The following LRTM2 variants were observed in gnomAD, a reference collection of about 807,000 sequenced individuals.
LRTM2 encodes leucine-rich repeat and transmembrane domain-containing protein 2.
A neutral mutation model predicts 28.1 loss-of-function variants in LRTM2; 18 were observed. The ratio of observed to expected loss-of-function variants is 0.64; its 90% CI spans 0.44 to 0.95. The LOEUF is 0.95. LRTM2 is among the 40% of genes least tolerant of loss of function. The pLI is 0.00. For synonymous variants in LRTM2, 250 were observed against 218.7 expected (o/e 1.14, Z -1.26); for missense variants, 436 against 497.2 (o/e 0.88, Z 1.17).
At chr12:1,830,824 C>A in intron 3 of LRTM2, 111 bp from the exon 4 acceptor site, 3 of 884,904 alleles carry the variant, frequency 3.4e-6, no homozygotes, top group Non-Finnish European at 3.4e-6. Context: ...GTGGCTTGTG[C>A]CAAAGGAGAT....
At position 1,835,432 on chromosome 12, in the gene LRTM2, C is replaced by A. The variant is rs1342900300; in HGVS notation, c.*711C>A. ...GATTGAAAGAATTAATACACACACA[C>A]ACACACACACACTCACACGGTCACA... On this transcript the variant is annotated 3_prime_UTR_variant, in exon 5 of 5. Coordinates refer to ENST00000299194, the MANE Select transcript of LRTM2 (RefSeq NM_001039029.3). 1 of 152,494 alleles carries A rather than the reference C, an allele frequency of 6.6e-6. No individual in the cohort carries two copies. The highest frequency in any genetic ancestry group is 6.5e-5 in the Admixed American group (1 of 15,284). 9.4% of individuals were successfully genotyped at this position (152,494 alleles called of 1,614,324 possible). A position where few individuals can be genotyped will look rare whatever the true frequency, so the allele number is the denominator to read the frequency against.
chr12:1,826,397 A>T (rs1864316804), intron 1 of LRTM2, among the ~76,000 whole-genome samples: 1 of 112,528 alleles, frequency 8.9e-6, no homozygotes, highest in Non-Finnish European at 1.7e-5. Context: ...ATTTGAACCC[A>T]GAGCCCCCCC....
At position 1,834,562 on chromosome 12, in the gene LRTM2, C is replaced by T. The variant is rs146814224; in HGVS notation, c.954C>T (p.Cys318=). ...CGGTGATCATTGCAGGGGTCGTGTGCGGCGTCGTCTGCATCATGATGGTGG... is the reference window on the plus strand; with the variant it reads ...CGGTGATCATTGCAGGGGTCGTGTGTGGCGTCGTCTGCATCATGATGGTGG... ...MGTVIIAGVV[C]GVVCIMMVVA... The change falls in exon 5 of 5, where the codon TGC becomes TGT. Residue 318 remains cysteine, a synonymous_variant. Transcript: ENST00000299194. This position sits in a 1 kb window ranked among gnomAD's most constrained non-coding sequence, Gnocchi z 7.6. 190 of 1,602,112 alleles carry T rather than the reference C, an allele frequency of 1.2e-4. 1 individual carries two copies. Among genetic ancestry groups the T allele is most frequent in the Non-Finnish European group, 1.5e-4 (182 of 1,179,890 alleles).
At chr12:1,832,270 C>T (rs1488266741) in intron 4 of LRTM2, among the ~76,000 whole-genome samples, 2 of 152,198 alleles carry the variant, frequency 1.3e-5, no homozygotes, top group African/African-American at 2.4e-5. Flanking sequence ...AGCTGGTTAC[C>T]CTTTCGCTGT....
chr12:1,829,035 T>C lies in LRTM2; in HGVS notation c.67+820T>C, dbSNP rs924740323. The stretch of plus-strand genomic sequence containing the variant: ...CACGGGCAGCCTGAATTATTCACCA[T>C]GTGAGAGAGGCTGGCCCCTGAGTGA... On this transcript the variant is annotated intron_variant, in intron 3 of 4. Coordinates refer to ENST00000299194, the MANE Select transcript of LRTM2 (RefSeq NM_001039029.3). This position sits in a 1 kb window ranked among gnomAD's most constrained non-coding sequence, Gnocchi z 4.2. Among the ~76,000 whole-genome samples, 2 of 152,244 alleles carry C rather than the reference T, an allele frequency of 1.3e-5. No individual in the cohort carries two copies. The highest frequency in any genetic ancestry group is 2.4e-5 in the African/African-American group (1 of 41,482).
At position 1,831,046 on chromosome 12, in the gene LRTM2, C is replaced by T; in HGVS notation, c.179C>T (p.Thr60Ile). ...GTGGACTGCAGTGGCCTTGGCCTCACCACGGTGCCCCCAGACGTGCCCGCA... is the reference window on the plus strand; with the variant it reads ...GTGGACTGCAGTGGCCTTGGCCTCATCACGGTGCCCCCAGACGTGCCCGCA... Reference protein sequence around the residue: ...LEVDCSGLGLTTVPPDVPAAT... With the variant: ...LEVDCSGLGLITVPPDVPAAT... Residue 60 changes from threonine (T) to isoleucine (I), a missense_variant, in exon 4 of 5, where the codon ACC (threonine) becomes ATC (isoleucine). Coordinates refer to ENST00000299194, the MANE Select transcript of LRTM2 (RefSeq NM_001039029.3). The T allele has an allele frequency of 6.2e-7, 1 of 1,614,110 alleles. No homozygotes were observed. The highest frequency in any genetic ancestry group is 8.5e-7 in the Non-Finnish European group (1 of 1,180,042).
At chr12:1,822,016 C>A (rs1192268785) in intron 1 of LRTM2, 1 of 152,086 alleles carries the variant, frequency 6.6e-6, no homozygotes, top group Non-Finnish European at 1.5e-5. Flanking sequence ...GTAGGGAAAC[C>A]CGACAGCAGC....
chr12:1,821,801 G>A (rs1864115110), intron 1 of LRTM2, among the ~76,000 whole-genome samples: 1 of 152,154 alleles, frequency 6.6e-6, no homozygotes, highest in Non-Finnish European at 1.5e-5. Flanking sequence ...TGCAGGTCTG[G>A]GGCTGGGTTC....
Position 1,831,155 on chromosome 12 carries a change from G to C in LRTM2, c.288G>C (p.Arg96=), listed in dbSNP as rs758682455. The part of the protein sequence containing the change: ...WAFANLSSLQ[R]LDLSNNFLDR... ...TCGCCAACCTCTCCAGCCTGCAGCG[G>C]TTGGACCTGTCCAACAACTTCCTGG... The change falls in exon 4 of 5, where the codon CGG becomes CGC. Residue 96 remains arginine, a synonymous_variant. Coordinates refer to ENST00000299194, the MANE Select transcript of LRTM2 (RefSeq NM_001039029.3). The C allele has an allele frequency of 6.2e-7, 1 of 1,613,994 alleles. No homozygotes were observed. Among genetic ancestry groups the C allele is most frequent in the Non-Finnish European group, 8.5e-7 (1 of 1,180,050 alleles).
At chr12:1,832,672 G>C (rs890279090) in intron 4 of LRTM2, among the ~76,000 whole-genome samples, 3 of 152,196 alleles carry the variant, frequency 2.0e-5, no homozygotes, top group Non-Finnish European at 4.4e-5. Context: ...CAAAATGTTA[G>C]TCACTATGAT....
intron 1 of LRTM2, among the ~76,000 whole-genome samples, chr12:1,826,997 C>T (rs1406383245): frequency 6.6e-6 from 1 of 152,246 alleles, no homozygotes; most frequent in African/African-American, 2.4e-5. Flanking sequence ...AGGGAGGCTG[C>T]AACCAGGAAT....
At chr12:1,830,408 T>A (rs1864569318) in intron 3 of LRTM2, among the ~76,000 whole-genome samples, 1 of 152,130 alleles carries the variant, frequency 6.6e-6, no homozygotes, top group Non-Finnish European at 1.5e-5. Flanking sequence ...CATACACAGC[T>A]CCAGAGTTGG....
At chr12:1,830,602 G>A (rs1253238797) in intron 3 of LRTM2, among the ~76,000 whole-genome samples, 3 of 152,202 alleles carry the variant, frequency 2.0e-5, no homozygotes, top group East Asian at 1.9e-4. Flanking sequence ...ACTGTGGGAG[G>A]CCCTGTGAGC....
chr12:1,834,489 C>A lies in LRTM2; in HGVS notation c.881C>A (p.Pro294Gln). The A allele has an allele frequency of 1.9e-6, 3 of 1,609,596 alleles. No individual in the cohort carries two copies. The highest frequency in any genetic ancestry group is 1.1e-5 in the South Asian group (1 of 91,062). Residue 294 changes from proline (P) to glutamine (Q), a missense_variant, in exon 5 of 5, where the codon CCA (proline) becomes CAA (glutamine). Coordinates refer to ENST00000299194, the MANE Select transcript of LRTM2 (RefSeq NM_001039029.3). The surrounding 1 kb of genome is among the most constrained non-coding windows in gnomAD (Gnocchi z 7.6). ...EPEPEPSTAC[P>Q]QKQRHRPASV... is the part of the protein sequence containing the mutation. ...GAGCCGGAGCCCAGCACAGCCTGCC[C>A]ACAGAAGCAGAGGCACCGGCCGGCG...
chr12:1,834,339 T>C lies in LRTM2; in HGVS notation c.731T>C (p.Met244Thr), dbSNP rs1168695808. ...LRGKDMRMVPMEMFNYCSQLE... is the reference protein window; with the variant it reads ...LRGKDMRMVPTEMFNYCSQLE... The stretch of plus-strand genomic sequence containing the variant: ...GGGAAGGACATGCGGATGGTCCCCA[T>C]GGAGATGTTCAACTACTGCTCCCAG... Residue 244 changes from methionine (M) to threonine (T), a missense_variant, in exon 5 of 5, where the codon ATG (methionine) becomes ACG (threonine). Met to Thr is a moderately conservative substitution (Grantham distance 81). Transcript: ENST00000299194. This position sits in a 1 kb window ranked among gnomAD's most constrained non-coding sequence, Gnocchi z 7.6. The C allele has an allele frequency of 5.0e-6, 8 of 1,612,350 alleles. No homozygotes were observed. Among genetic ancestry groups the C allele is most frequent in the Admixed American group, 1.7e-5 (1 of 59,966 alleles).
In LRTM2 at chr12:1,830,937, A is replaced by T. The variant is rs760042894; in HGVS notation, c.70A>T (p.Ile24Phe). ...CCCCGTCTGTCCCTCCCACCAAGGG[A>T]TCACCTGCTGGATCGCCCTGTATGC... ...LALQWRQVSW[I>F]TCWIALYAVE... The change falls in exon 4 of 5, where the codon ATC (isoleucine) becomes TTC (phenylalanine). Residue 24 changes from isoleucine to phenylalanine, a missense_variant and splice_region_variant. By Grantham distance (21) the Ile-to-Phe change is conservative (BLOSUM62 0). Transcript: ENST00000299194. 1 of 1,594,676 alleles carries T rather than the reference A, an allele frequency of 6.3e-7. No homozygotes were observed. Among genetic ancestry groups the T allele is most frequent in the South Asian group, 1.1e-5 (1 of 89,826 alleles).
At position 1,830,931 on chromosome 12, in the gene LRTM2, C is replaced by A; in HGVS notation, c.68-4C>A. The A allele has an allele frequency of 6.3e-7, 1 of 1,591,084 alleles. No homozygotes were observed. Among genetic ancestry groups the A allele is most frequent in the Non-Finnish European group, 8.6e-7 (1 of 1,163,840 alleles). On this transcript the variant is annotated splice_region_variant and splice_polypyrimidine_tract_variant and intron_variant, in intron 3 of 4. Coordinates refer to ENST00000299194, the MANE Select transcript of LRTM2 (RefSeq NM_001039029.3). Reference sequence around the variant, plus strand: ...TCTTTCCCCCGTCTGTCCCTCCCACCAAGGGATCACCTGCTGGATCGCCCT... The same window carrying A: ...TCTTTCCCCCGTCTGTCCCTCCCACAAAGGGATCACCTGCTGGATCGCCCT...
In LRTM2 at chr12:1,834,492, A is replaced by G; in HGVS notation, c.884A>G (p.Gln295Arg). Residue 295 changes from glutamine (Q) to arginine (R), a missense_variant, in exon 5 of 5, where the codon CAG (glutamine) becomes CGG (arginine). By Grantham distance (43) the Gln-to-Arg change is conservative. Transcript: ENST00000299194. The surrounding 1 kb of genome is among the most constrained non-coding windows in gnomAD (Gnocchi z 7.6). ...CCGGAGCCCAGCACAGCCTGCCCAC[A>G]GAAGCAGAGGCACCGGCCGGCGAGC... ...PEPEPSTACP[Q>R]KQRHRPASVR... The G allele has an allele frequency of 1.2e-6, 2 of 1,609,404 alleles. No homozygotes were observed. The highest frequency in any genetic ancestry group is 1.7e-6 in the Non-Finnish European group (2 of 1,179,870).
chr12:1,834,821 C>T lies in LRTM2; in HGVS notation c.*100C>T, dbSNP rs910511209. ...GACCCGGCGCTGGCCACTGCCTCCC[C>T]GAGTCCACCCTCCTCCCCGCCCTCC... On this transcript the variant is annotated 3_prime_UTR_variant, in exon 5 of 5. Coordinates refer to ENST00000299194, the MANE Select transcript of LRTM2 (RefSeq NM_001039029.3). The surrounding 1 kb of genome is among the most constrained non-coding windows in gnomAD (Gnocchi z 7.6). 31 of 1,444,650 alleles carry T rather than the reference C, an allele frequency of 2.1e-5. No homozygotes were observed. The highest frequency in any genetic ancestry group is 2.8e-5 in the African/African-American group (2 of 70,332). The allele number at this position is 1,444,650 out of a possible 1,614,324, so 89.5% of individuals were successfully genotyped here.
Sources: gnomAD v4.1 joint callset for allele counts (sites outside exome capture counted in the v4.1 genomes callset) on GRCh38, gnomAD v4.1.1 for gene constraint, Gnocchi (gnomAD v3.1) non-coding constraint, MANE v1.5 for transcripts, NCBI Gene and HGNC (gene_info 2026-07-23, HGNC 2026-07-21) for gene names.